ITPKB: variants seen among roughly 807,000 people sequenced by gnomAD.
ITPKB encodes the protein IP3 3-kinase B.
In ITPKB, 13 loss-of-function variants were observed where a neutral mutation model predicts 69.4. That is an observed-to-expected ratio of 0.19 (90% confidence interval 0.12 to 0.30). ITPKB has a LOEUF of 0.30. ITPKB is among the 10% of genes least tolerant of loss of function. The pLI, the probability that ITPKB is intolerant of heterozygous loss-of-function variation, is 1.00. For synonymous variants in ITPKB, 584 were observed against 513.7 expected (o/e 1.14, Z -1.85); for missense variants, 1,240 against 1,250.5 (o/e 0.99, Z 0.13).
intron 2 of ITPKB, among the ~76,000 whole-genome samples, chr1:226,697,237 A>G (rs1242973982): frequency 6.6e-6 from 1 of 152,258 alleles, no homozygotes; most frequent in Admixed American, 6.5e-5. Flanking sequence ...CTGAAAGATG[A>G]AAGTAGCAAT....
At chr1:226,635,876 C>T (rs1175674355) in intron 7 of ITPKB, among the ~76,000 whole-genome samples, 3 of 152,272 alleles carry the variant, frequency 2.0e-5, no homozygotes, top group Non-Finnish European at 4.4e-5. Flanking sequence ...CATACCCCTG[C>T]ATCACCTCAG....
At chr1:226,662,837 G>A (rs753953243) in intron 2 of ITPKB, among the ~76,000 whole-genome samples, 12 of 152,232 alleles carry the variant, frequency 7.9e-5, no homozygotes, top group African/African-American at 2.4e-4. Context: ...ATGCAGACTC[G>A]CAGAGAGAAC....
chr1:226,723,590 G>C (rs894165740), intron 2 of ITPKB, among the ~76,000 whole-genome samples: 1 of 151,940 alleles, frequency 6.6e-6, no homozygotes, highest in Non-Finnish European at 1.5e-5. Context: ...TGTGTATAGA[G>C]AGATATATAT....
intron 2 of ITPKB, among the ~76,000 whole-genome samples, chr1:226,660,680 AG>A (rs1383191402): frequency 6.6e-6 from 1 of 152,154 alleles, no homozygotes; most frequent in Non-Finnish European, 1.5e-5. Flanking sequence ...AGCTCACACC[AG>A]GGGCCTCTCC....
At position 226,736,252 on chromosome 1, in the gene ITPKB, C is replaced by G. The variant is rs751886884; in HGVS notation, c.1207G>C (p.Ala403Pro). ...CAGCTCAGGGAATCAGAGGACTCTG[C>G]GCTTTGCACGCTCACAGTCGTCTCC... ...PEETTVSVQS[A>P]ESSDSLSWSR... The change falls in exon 2 of 8, where the codon GCA becomes CCA. Residue 403 changes from alanine (A) to proline (P), a missense_variant. This residue lies in a region of ITPKB where 992 missense variants were observed against 853.8 expected (regional missense o/e 1.16). Transcript: ENST00000429204. The G allele has an allele frequency of 6.4e-7, 1 of 1,562,594 alleles. No homozygotes were observed. The highest frequency in any genetic ancestry group is 8.6e-7 in the Non-Finnish European group (1 of 1,157,056).
At chr1:226,650,824 G>A (rs142884668) in intron 2 of ITPKB, among the ~76,000 whole-genome samples, 3 of 152,300 alleles carry the variant, frequency 2.0e-5, no homozygotes, top group Non-Finnish European at 4.4e-5. Context: ...AGTCCCTCCT[G>A]GGGCCTCAGT....
chr1:226,681,988 G>C (rs562732130), intron 2 of ITPKB, among the ~76,000 whole-genome samples: 1 of 152,308 alleles, frequency 6.6e-6, no homozygotes, highest in East Asian at 1.9e-4. Flanking sequence ...TCCACCTAAA[G>C]GCCTGGCTGA....
intron 4 of ITPKB, among the ~76,000 whole-genome samples, chr1:226,645,420 C>T (rs1378574981): frequency 1.3e-5 from 2 of 151,806 alleles, no homozygotes; most frequent in Non-Finnish European, 2.9e-5. Flanking sequence ...GGGGGCAGCC[C>T]TGGGGCAGGA....
chr1:226,737,503 C>A lies in ITPKB; in HGVS notation c.-45G>T. On this transcript the variant is annotated 5_prime_UTR_variant, in exon 2 of 8. Coordinates refer to ENST00000429204, the MANE Select transcript of ITPKB (RefSeq NM_002221.4). ...CCCGCCGCCGCGGCTCCCGCTCCTG[C>A]TCCGCCGCCGGCGCCTCCTCCTCCC... 1 of 1,471,498 alleles carries A rather than the reference C, an allele frequency of 6.8e-7. No individual in the cohort carries two copies. Among genetic ancestry groups the A allele is most frequent in the African/African-American group, 1.5e-5 (1 of 68,864 alleles). 91.2% of individuals were successfully genotyped at this position (1,471,498 alleles called of 1,614,324 possible). A position where few individuals can be genotyped will look rare whatever the true frequency, so the allele number is the denominator to read the frequency against.
intron 2 of ITPKB, among the ~76,000 whole-genome samples, chr1:226,650,658 T>TG (rs1297409736): frequency 1.3e-5 from 2 of 152,172 alleles, no homozygotes; most frequent in African/African-American, 2.4e-5. Context: ...TCACCACCCG[T>TG]GGGTCACATC....
At chr1:226,647,030 G>T in intron 4 of ITPKB, 137 bp downstream of exon 4, 1 of 693,070 alleles carries the variant, frequency 1.4e-6, no homozygotes, top group Non-Finnish European at 2.5e-6. Flanking sequence ...GGATGGGGAG[G>T]CTCTAATTGG....
chr1:226,648,992 TC>T (rs1669117157), intron 2 of ITPKB, among the ~76,000 whole-genome samples: 1 of 151,998 alleles, frequency 6.6e-6, no homozygotes, highest in South Asian at 2.1e-4. Context: ...TCAGGGGAAC[TC>T]CCCTGTCCCA....
At chr1:226,643,073 A>T (rs1668995107) in intron 4 of ITPKB, among the ~76,000 whole-genome samples, 1 of 152,110 alleles carries the variant, frequency 6.6e-6, no homozygotes. Context: ...CCCAGTCCAA[A>T]AAGCCTGAGA....
chr1:226,711,348 TTGCAGTGGTTCCTAACCAGA>T (rs1656945350), intron 2 of ITPKB, among the ~76,000 whole-genome samples: 1 of 151,646 alleles, frequency 6.6e-6, no homozygotes, highest in Admixed American at 6.6e-5. Flanking sequence ...AAATAATTCC[TTGCAGTGGTTCCTAACCAGA>T]TGCAGTACCT....
chr1:226,723,813 G>T (rs903847348), intron 2 of ITPKB, among the ~76,000 whole-genome samples: 3 of 152,014 alleles, frequency 2.0e-5, no homozygotes, highest in Admixed American at 6.6e-5. Context: ...ACCTCTTGCC[G>T]GCAGCTGAAT....
intron 2 of ITPKB, among the ~76,000 whole-genome samples, chr1:226,734,078 T>C (rs1378101939): frequency 6.6e-6 from 1 of 152,236 alleles, no homozygotes; most frequent in Non-Finnish European, 1.5e-5. Flanking sequence ...AAGAGAAATC[T>C]GGCCCATGCC....
chr1:226,681,423 C>G (rs2102774138), intron 2 of ITPKB, among the ~76,000 whole-genome samples: 1 of 152,276 alleles, frequency 6.6e-6, no homozygotes, highest in South Asian at 2.1e-4. Flanking sequence ...TGCAAGACAG[C>G]TTGTGTGTCC....
chr1:226,658,344 C>T (rs1041645784), intron 2 of ITPKB, among the ~76,000 whole-genome samples: 2 of 152,178 alleles, frequency 1.3e-5, no homozygotes, highest in African/African-American at 4.8e-5. Flanking sequence ...CAGGTAGGGG[C>T]CCCTGGCTCA....
intron 2 of ITPKB, among the ~76,000 whole-genome samples, chr1:226,670,515 C>A (rs1227263345): frequency 6.6e-6 from 1 of 152,192 alleles, no homozygotes; most frequent in African/African-American, 2.4e-5. Context: ...AAATTAGAGG[C>A]ACATCCTTGG....
Sources: allele counts gnomAD v4.1 joint callset (sites outside exome capture counted in the v4.1 genomes callset), GRCh38; gene constraint gnomAD v4.1.1; regional missense constraint gnomAD v4.1.1; transcripts MANE v1.5; gene names NCBI Gene and HGNC (gene_info 2026-07-23, HGNC 2026-07-21).